PDE8A: variants seen among roughly 807,000 people sequenced by gnomAD.
The protein encoded by PDE8A is high affinity cAMP-specific and IBMX-insensitive 3',5'-cyclic phosphodiesterase 8A.
PDE8A carries 59 observed loss-of-function variants against 105.0 expected under a neutral mutation model. That is an observed-to-expected ratio of 0.56 (90% confidence interval 0.46 to 0.70). PDE8A has a LOEUF of 0.70. Ranked by LOEUF, PDE8A falls within the 30% of genes least tolerant of loss-of-function variation. The pLI is 0.00. For synonymous variants in PDE8A, 355 were observed against 371.9 expected, an observed-to-expected ratio of 0.95 and a Z score of 0.52; for missense variants, 1,014 against 1,045.9, an observed-to-expected ratio of 0.97 and a Z score of 0.42.
chr15:85,139,024 GCATAATAC>G lies in PDE8A; in HGVS notation c.*1127_*1134del, dbSNP rs970466082. On this transcript the variant is annotated 3_prime_UTR_variant, in exon 22 of 22. Coordinates refer to ENST00000394553, the MANE Select transcript of PDE8A (RefSeq NM_002605.3). ...TTCTGTATCTTCACACCTTGAATAA[GCATAATAC>G]CATAAAAAATGACACTTGACATGTC... is the stretch of plus-strand genomic sequence containing the variant. The G allele has an allele frequency of 1.4e-4, 22 of 151,986 alleles. No homozygotes were observed. Among genetic ancestry groups the G allele is most frequent in the Admixed American group, 3.9e-4 (6 of 15,276 alleles). 9.4% of individuals were successfully genotyped at this position (151,986 alleles called of 1,614,324 possible). A position where few individuals can be genotyped will look rare whatever the true frequency, so the allele number is the denominator to read the frequency against.
rs114746158 is a variant in PDE8A at position 85,102,383 on chromosome 15, A to T, written c.1036+2185A>T. Among the ~76,000 whole-genome samples the T allele has an allele frequency of 1.7e-3, 260 of 152,330 alleles. 2 individuals carry two copies. Among genetic ancestry groups the T allele is most frequent in the African/African-American group, 6.1e-3 (252 of 41,578 alleles). ...AAGAGCTCGTGTGTGACCTGCAGAC[A>T]TGCAGTTTCAGGAGAATGGCGAGGG... On this transcript the variant is annotated intron_variant, in intron 11 of 21. Transcript: ENST00000394553.
At chr15:85,125,613 C>T (rs889124670) in intron 19 of PDE8A, among the ~76,000 whole-genome samples, 5 of 152,126 alleles carry the variant, frequency 3.3e-5, no homozygotes, top group African/African-American at 1.2e-4. Flanking sequence ...ATAAATAATA[C>T]TTTTCATGCT....
At chr15:85,131,707 TA>T (rs1374724098) in intron 20 of PDE8A, among the ~76,000 whole-genome samples, 1 of 152,238 alleles carries the variant, frequency 6.6e-6, no homozygotes, top group African/African-American at 2.4e-5. Context: ...CAGAGATCTT[TA>T]TATCAAGTTA....
chr15:84,996,782 C>T (rs1273785484), intron 1 of PDE8A, among the ~76,000 whole-genome samples: 3 of 132,174 alleles, frequency 2.3e-5, no homozygotes, highest in Admixed American at 1.8e-4. Flanking sequence ...GCCGAGATCG[C>T]ACCACTGCAC....
At chr15:85,039,427 T>TAA (rs567300953) in intron 1 of PDE8A, among the ~76,000 whole-genome samples, 2 of 137,098 alleles carry the variant, frequency 1.5e-5, no homozygotes, top group African/African-American at 2.7e-5. Flanking sequence ...AGATCTTGTC[T>TAA]AAAAAAAAAA....
intron 21 of PDE8A, among the ~76,000 whole-genome samples, 154 bp from the exon 22 acceptor site, chr15:85,137,643 G>A (rs1338746328): frequency 6.6e-6 from 1 of 152,208 alleles, no homozygotes. Flanking sequence ...AGTCAGCCAC[G>A]GCTCGTTGAA....
chr15:85,084,405 A>G (rs1446915948), intron 6 of PDE8A, among the ~76,000 whole-genome samples: 1 of 152,216 alleles, frequency 6.6e-6, no homozygotes. Flanking sequence ...GAGTTAGCAG[A>G]GAAGTGCTGC....
intron 14 of PDE8A, 55 bp downstream of exon 14, chr15:85,114,092 C>A: frequency 6.7e-7 from 1 of 1,483,520 alleles, no homozygotes; most frequent in Non-Finnish European, 9.4e-7. Flanking sequence ...TGGTTGTTTT[C>A]TCAGAGGTTA....
chr15:84,980,616 C>T (rs2079691003), upstream of PDE8A: 1 of 152,400 alleles, frequency 6.6e-6, no homozygotes. Context: ...CAGCCCGCTA[C>T]AGGATACGTG....
At chr15:85,046,819 A>G (rs2080895250) in intron 1 of PDE8A, among the ~76,000 whole-genome samples, 1 of 152,204 alleles carries the variant, frequency 6.6e-6, no homozygotes, top group African/African-American at 2.4e-5. Flanking sequence ...TTTGCCTTCT[A>G]ATACCACATC....
At chr15:85,053,062 A>G (rs2141422759) in intron 1 of PDE8A, among the ~76,000 whole-genome samples, 1 of 152,242 alleles carries the variant, frequency 6.6e-6, no homozygotes, top group Middle Eastern at 3.4e-3. Flanking sequence ...TCCCAGCACT[A>G]TTTATTAAAT....
At chr15:85,078,548 C>CAAAAAAAAAAAAAAAAAAAA (rs72174562) in intron 5 of PDE8A, among the ~76,000 whole-genome samples, 1 of 94,344 alleles carries the variant, frequency 1.1e-5, no homozygotes, top group Non-Finnish European at 2.1e-5. Context: ...TACTCCATCT[C>CAAAAAAAAAAAAAAAAAAAA]AAAAAAAAAA....
At chr15:85,058,118 T>C (rs768893762) in intron 1 of PDE8A, among the ~76,000 whole-genome samples, 25 of 152,192 alleles carry the variant, frequency 1.6e-4, no homozygotes, top group Non-Finnish European at 2.6e-4. Flanking sequence ...TCTTGCTCTG[T>C]TGCCCAAGTT....
intron 1 of PDE8A, among the ~76,000 whole-genome samples, chr15:85,020,737 A>G (rs572916551): frequency 6.6e-6 from 1 of 152,280 alleles, no homozygotes; most frequent in East Asian, 1.9e-4. Context: ...ATATTTTACC[A>G]TGGGCTTCTA....
At chr15:85,077,362 C>T (rs1369982269) in intron 5 of PDE8A, among the ~76,000 whole-genome samples, 4 of 152,128 alleles carry the variant, frequency 2.6e-5, no homozygotes, top group Non-Finnish European at 5.9e-5. Context: ...CAAATGAGGC[C>T]TTAGGAATCA....
intron 19 of PDE8A, among the ~76,000 whole-genome samples, chr15:85,123,490 G>C (rs185525689): frequency 1.3e-3 from 194 of 152,266 alleles, no homozygotes; most frequent in African/African-American, 4.5e-3. Flanking sequence ...CAAAACTGGA[G>C]AACTTGGAGT....
intron 5 of PDE8A, among the ~76,000 whole-genome samples, chr15:85,079,138 T>C (rs989447854): frequency 6.6e-6 from 1 of 152,212 alleles, no homozygotes; most frequent in Admixed American, 6.5e-5. Context: ...TATGCATATA[T>C]GTATAAGATT....
At chr15:85,098,949 A>G (rs992933313) in intron 9 of PDE8A, among the ~76,000 whole-genome samples, 2 of 151,928 alleles carry the variant, frequency 1.3e-5, no homozygotes, top group African/African-American at 4.8e-5. Context: ...AAAGTAAGAC[A>G]CTGTCTCAAA....
intron 1 of PDE8A, among the ~76,000 whole-genome samples, chr15:84,995,969 T>C (rs2079968947): frequency 6.6e-6 from 1 of 152,226 alleles, no homozygotes; most frequent in South Asian, 2.1e-4. Flanking sequence ...TTACTCTTTA[T>C]TTCTCCCTAG....
Sources: allele counts gnomAD v4.1 joint callset (sites outside exome capture counted in the v4.1 genomes callset), GRCh38; gene constraint gnomAD v4.1.1; transcripts MANE v1.5; gene names NCBI Gene and HGNC (gene_info 2026-07-23, HGNC 2026-07-21).